The following ALG8 variants were observed in gnomAD, a reference collection of about 807,000 sequenced individuals.
ALG8 encodes ALG8 alpha-1,3-glucosyltransferase.
ALG8 carries 48 observed loss-of-function variants against 70.2 expected under a neutral mutation model. The ratio of observed to expected loss-of-function variants is 0.68; its 90% CI spans 0.54 to 0.87. ALG8 has a LOEUF of 0.87. ALG8 is among the 40% of genes least tolerant of loss of function. The pLI is 0.00. For missense variants in ALG8, 572 were observed against 608.7 expected (o/e 0.94, Z 0.64); for synonymous variants, 234 against 229.0 (o/e 1.02, Z -0.20).
intron 1 of ALG8, among the ~76,000 whole-genome samples, chr11:78,128,728 A>G (rs1861184580): frequency 6.7e-6 from 1 of 149,272 alleles, no homozygotes; most frequent in African/African-American, 2.5e-5. Context: ...CCCCTGCCCC[A>G]GCCACCCAAG....
intron 4 of ALG8, 84 bp downstream of exon 4, chr11:78,120,981 C>T (rs944305211): frequency 1.5e-6 from 2 of 1,293,082 alleles, no homozygotes; most frequent in Non-Finnish European, 2.2e-6. Flanking sequence ...CTCACATCTC[C>T]AATCATTATT....
intron 5 of ALG8, among the ~76,000 whole-genome samples, chr11:78,115,574 G>C (rs570049086): frequency 1.4e-3 from 188 of 138,700 alleles, no homozygotes; most frequent in Non-Finnish European, 2.2e-3. Context: ...TAGTAGAGAT[G>C]GGGTTTCACC....
In ALG8 at chr11:78,113,937, T is replaced by A. The variant is rs1317205207; in HGVS notation, c.726A>T (p.Gly242=). The A allele has an allele frequency of 3.1e-6, 5 of 1,597,532 alleles. No homozygotes were observed. The highest frequency in any genetic ancestry group is 1.7e-5 in the Admixed American group (1 of 58,152). ...SFSFVRVISL[G]LVVFLVSALS... The stretch of plus-strand genomic sequence containing the variant: ...GAGCAGAAACTAAGAAAACAACCAG[T>A]CCCAGGGAAATAACACGAACAAAGC... The change falls in exon 7 of 13, where the codon GGA becomes GGT. Residue 242 remains glycine, a synonymous_variant. Transcript: ENST00000299626.
At chr11:78,132,927 T>G (rs984707088) in intron 1 of ALG8, among the ~76,000 whole-genome samples, 1 of 150,052 alleles carries the variant, frequency 6.7e-6, no homozygotes, top group Non-Finnish European at 1.5e-5. Flanking sequence ...AGCTCCGCCT[T>G]CCGGGTTCAT....
At chr11:78,112,519 T>C (rs1590813909) in intron 8 of ALG8, 131 bp downstream of exon 8, 29 of 1,408,042 alleles carry the variant, frequency 2.1e-5, no homozygotes, top group Non-Finnish European at 2.8e-5. Flanking sequence ...CTGTTCATCC[T>C]GAAAGCTGAA....
Position 78,119,182 on chromosome 11 carries a change from C to T in ALG8, c.546G>A (p.Gln182=). 1 of 1,600,786 alleles carries T rather than the reference C, an allele frequency of 6.2e-7. No individual in the cohort carries two copies. The highest frequency in any genetic ancestry group is 1.3e-5 in the African/African-American group (1 of 74,708). ...LMLLSIARLF[Q]KRHMEGAFLF... is the part of the protein sequence containing the mutation. ...AATCTAATTAAACAATTATGTTTAC[C>T]TGAAATAATCGTGCAATGGAGAGTA... Residue 182 remains glutamine, a splice_region_variant and synonymous_variant, in exon 5 of 13, where the codon CAG becomes CAA. Transcript: ENST00000299626.
At chr11:78,114,594 G>A (rs1367578424) in intron 5 of ALG8, 3 of 646,002 alleles carry the variant, frequency 4.6e-6, no homozygotes, top group Non-Finnish European at 5.5e-6. Context: ...AATGGGTGAG[G>A]GATATATAGG....
At chr11:78,109,112 T>C (rs1004467092) in intron 9 of ALG8, among the ~76,000 whole-genome samples, 2 of 152,120 alleles carry the variant, frequency 1.3e-5, no homozygotes, top group African/African-American at 2.4e-5. Context: ...AAACCAAATC[T>C]GGATGTCCCT....
intron 5 of ALG8, among the ~76,000 whole-genome samples, chr11:78,115,391 C>CT (rs1216038477): frequency 1.3e-5 from 2 of 150,824 alleles, no homozygotes; most frequent in East Asian, 2.0e-4. Flanking sequence ...TTCCAGCTAG[C>CT]TTTTTTTTTG....
intron 1 of ALG8, among the ~76,000 whole-genome samples, chr11:78,133,103 G>A (rs1299487645): frequency 6.6e-6 from 1 of 152,084 alleles, no homozygotes; most frequent in African/African-American, 2.4e-5. Flanking sequence ...CCAAAGTGCT[G>A]GGATTACAGG....
At chr11:78,134,202 A>G (rs1861441570) in intron 1 of ALG8, among the ~76,000 whole-genome samples, 1 of 148,322 alleles carries the variant, frequency 6.7e-6, no homozygotes, top group African/African-American at 2.5e-5. Flanking sequence ...CAATGGTGTG[A>G]TCTTGGCTCA....
chr11:78,110,890 T>C (rs1590812215), intron 8 of ALG8, among the ~76,000 whole-genome samples: 1 of 152,310 alleles, frequency 6.6e-6, no homozygotes, highest in East Asian at 1.9e-4. Context: ...ACACTGACTT[T>C]CCATGTAAAA....
intron 5 of ALG8, 72 bp downstream of exon 5, chr11:78,119,109 CA>C: frequency 8.7e-7 from 1 of 1,148,018 alleles, no homozygotes; most frequent in Non-Finnish European, 1.3e-6. Context: ...ACCTATCACC[CA>C]CTACACTGTT....
chr11:78,124,781 A>G (rs375131415), intron 2 of ALG8, among the ~76,000 whole-genome samples: 2 of 152,330 alleles, frequency 1.3e-5, no homozygotes, highest in Non-Finnish European at 2.9e-5. Flanking sequence ...CATATGAAAT[A>G]TATTTATAAA....
At chr11:78,132,141 C>G (rs186837493) in intron 1 of ALG8, among the ~76,000 whole-genome samples, 9 of 152,324 alleles carry the variant, frequency 5.9e-5, no homozygotes, top group Admixed American at 5.9e-4. Flanking sequence ...CGTAGAGAAG[C>G]AGCTTGCCCT....
intron 5 of ALG8, among the ~76,000 whole-genome samples, chr11:78,114,985 T>C (rs758810637): frequency 4.0e-4 from 61 of 152,048 alleles, no homozygotes; most frequent in Non-Finnish European, 7.2e-4. Flanking sequence ...CCAAAATGAA[T>C]AAATAAATAA....
At chr11:78,127,712 C>CTTTTTTTTTT (rs1192507872) in intron 1 of ALG8, among the ~76,000 whole-genome samples, 33 of 132,892 alleles carry the variant, frequency 2.5e-4, no homozygotes, top group East Asian at 4.3e-4. Flanking sequence ...TTTTTCTTTT[C>CTTTTTTTTTT]TTTTTTTTTT....
intron 5 of ALG8, among the ~76,000 whole-genome samples, chr11:78,118,331 C>T (rs3017591): frequency 2.0e-5 from 3 of 151,844 alleles, no homozygotes; most frequent in South Asian, 2.1e-4. Context: ...AATGTAATTT[C>T]GGGGCTGGGC....
chr11:78,121,247 C>A, intron 3 of ALG8, 73 bp from the exon 4 acceptor site: 1 of 995,604 alleles, frequency 1.0e-6, no homozygotes, highest in Non-Finnish European at 1.6e-6. Flanking sequence ...GCAGAGTAAA[C>A]TATGATACAT....
Sources: gnomAD v4.1 joint callset for allele counts (sites outside exome capture counted in the v4.1 genomes callset) on GRCh38, gnomAD v4.1.1 for gene constraint, MANE v1.5 for transcripts, NCBI Gene and HGNC (gene_info 2026-07-23, HGNC 2026-07-21) for gene names.